The following JAKMIP2 variants were observed in gnomAD, a reference collection of about 807,000 sequenced individuals.
JAKMIP2 encodes the protein janus kinase and microtubule-interacting protein 2.
In JAKMIP2, 25 loss-of-function variants were observed where a neutral mutation model predicts 115.0. The ratio of observed to expected loss-of-function variants is 0.22; its 90% confidence interval spans 0.16 to 0.30. JAKMIP2 has a LOEUF of 0.30. Among genes scored for constraint, JAKMIP2 ranks in the 10% least tolerant of loss-of-function variants. JAKMIP2 has a pLI of 1.00. For missense variants in JAKMIP2, 642 were observed against 957.6 expected (o/e 0.67, Z 4.35); for synonymous variants, 334 against 343.6 (o/e 0.97, Z 0.31).
chr5:147,586,049 C>T lies in JAKMIP2; in HGVS notation c.*5658G>A, dbSNP rs557822141. 7.3e-5 allele frequency: 11 copies of T among 151,316 alleles called. No homozygotes were observed. The highest frequency in any genetic ancestry group is 1.3e-4 in the Admixed American group (2 of 15,180). The allele number at this position is 151,316 out of a possible 1,614,324, so 9.4% of individuals were successfully genotyped here. A position where few individuals can be genotyped will look rare whatever the true frequency, so the allele number is the denominator to read the frequency against. On this transcript the variant is annotated 3_prime_UTR_variant, in exon 22 of 22. Transcript: ENST00000616793. ...TTATGGGCCTGGATAATTGAAAAAC[C>T]GAGTGGTCTCTGCCTCAGTCAACAA...
intron 1 of JAKMIP2, among the ~76,000 whole-genome samples, chr5:147,697,483 T>A (rs1305664601): frequency 1.3e-5 from 2 of 152,138 alleles, no homozygotes; most frequent in Non-Finnish European, 2.9e-5. Context: ...GGAGAATATG[T>A]CTCCAGGGCA....
At chr5:147,639,791 A>T in intron 9 of JAKMIP2, 31 bp from the exon 10 acceptor site, 1 of 1,608,448 alleles carries the variant, frequency 6.2e-7, no homozygotes, top group Non-Finnish European at 8.5e-7. Flanking sequence ...CCCCAAAACA[A>T]TTGTGTTATG....
chr5:147,738,027 A>C (rs1753990090), intron 1 of JAKMIP2, among the ~76,000 whole-genome samples: 1 of 152,176 alleles, frequency 6.6e-6, no homozygotes, highest in Non-Finnish European at 1.5e-5. Context: ...TTTATTTAGA[A>C]TAAAACAAAA....
intron 3 of JAKMIP2, among the ~76,000 whole-genome samples, chr5:147,658,171 G>A (rs1166985990): frequency 6.6e-6 from 1 of 152,132 alleles, no homozygotes; most frequent in Non-Finnish European, 1.5e-5. Flanking sequence ...ACCTTTGGAT[G>A]GGGTTTTTGT....
At chr5:147,707,755 G>A (rs573889963) in intron 1 of JAKMIP2, among the ~76,000 whole-genome samples, 8 of 152,188 alleles carry the variant, frequency 5.3e-5, no homozygotes, top group South Asian at 2.1e-4. Context: ...CTAAATTTAC[G>A]GTGAGTCAAT....
chr5:147,723,749 G>T (rs986808317), intron 1 of JAKMIP2, among the ~76,000 whole-genome samples: 12 of 152,242 alleles, frequency 7.9e-5, no homozygotes, highest in African/African-American at 2.9e-4. Context: ...AGGAAAGAAA[G>T]CCACATGGCT....
At chr5:147,636,330 G>C (rs370585379) in intron 11 of JAKMIP2, 46 bp from the exon 12 acceptor site, 1 of 1,505,304 alleles carries the variant, frequency 6.6e-7, no homozygotes, top group African/African-American at 1.4e-5. Context: ...AGAGTGGCAC[G>C]AAAGAGCCTG....
chr5:147,738,386 G>A (rs1025583527), intron 1 of JAKMIP2, among the ~76,000 whole-genome samples: 1 of 152,122 alleles, frequency 6.6e-6, no homozygotes, highest in Non-Finnish European at 1.5e-5. Flanking sequence ...GCGTGGGGGA[G>A]AGAAAGGTTA....
At chr5:147,685,761 T>C (rs1425474606) in intron 1 of JAKMIP2, among the ~76,000 whole-genome samples, 1 of 152,232 alleles carries the variant, frequency 6.6e-6, no homozygotes, top group Non-Finnish European at 1.5e-5. Context: ...AGATAGCATA[T>C]ATGTTTATAT....
chr5:147,765,372 T>C (rs1755119228), intron 1 of JAKMIP2, among the ~76,000 whole-genome samples: 1 of 152,120 alleles, frequency 6.6e-6, no homozygotes, highest in African/African-American at 2.4e-5. Flanking sequence ...TTGGTCCACT[T>C]GACGTGACAC....
At chr5:147,605,544 T>C (rs6580487) in intron 20 of JAKMIP2, among the ~76,000 whole-genome samples, 144,829 of 152,262 alleles carry the variant, frequency 0.95, 69,285 homozygotes, top group East Asian at 1. Context: ...CTAACAATCA[T>C]GGGCATTTGG....
chr5:147,740,039 A>G (rs1244413626), intron 1 of JAKMIP2, among the ~76,000 whole-genome samples: 1 of 152,236 alleles, frequency 6.6e-6, no homozygotes, highest in Non-Finnish European at 1.5e-5. Context: ...ATTGGTATAA[A>G]CAGCTCTTTC....
At chr5:147,695,974 A>C (rs1752090549) in intron 1 of JAKMIP2, among the ~76,000 whole-genome samples, 1 of 152,158 alleles carries the variant, frequency 6.6e-6, no homozygotes, top group African/African-American at 2.4e-5. Context: ...CTTTCACTTT[A>C]AAGGAGAGAC....
At chr5:147,743,161 T>C (rs536786681) in intron 1 of JAKMIP2, among the ~76,000 whole-genome samples, 2 of 152,368 alleles carry the variant, frequency 1.3e-5, no homozygotes, top group East Asian at 3.9e-4. Flanking sequence ...GAAGTACTCA[T>C]GTGGATCCTT....
chr5:147,671,761 T>C lies in JAKMIP2; in HGVS notation c.46A>G (p.Ile16Val), dbSNP rs765674126. The C allele has an allele frequency of 1.3e-5, 20 of 1,592,624 alleles. No individual in the cohort carries two copies. Among genetic ancestry groups the C allele is most frequent in the Middle Eastern group, 3.3e-4 (2 of 6,042 alleles). ...RNKGEKPEAL[I>V]VALQAANEDL... ...TCATTGGCAGCTTGAAGGGCAACAA[T>C]GAGTGCCTCGGGCTTCTCGCCCTTA... The change falls in exon 2 of 22, where the codon ATT becomes GTT. Residue 16 changes from isoleucine to valine, a missense_variant. Physicochemically the swap from Ile to Val is conservative, Grantham distance 29 (BLOSUM62 3). This residue lies in a region of JAKMIP2 where 439 missense variants were observed against 570.9 expected (regional missense o/e 0.77). Transcript: ENST00000616793.
rs1755068699 is a variant in JAKMIP2, at chr5:147,590,848, CA to C, written c.*858del. On this transcript the variant is annotated 3_prime_UTR_variant, in exon 22 of 22. Coordinates refer to ENST00000616793, the MANE Select transcript of JAKMIP2 (RefSeq NM_001270941.2). ...TCTTAGTTTTCAATATGAATGAGATCAGTCCATTGTTGATAGAGGAATGCAG... is the reference window on the plus strand; with the variant it reads ...TCTTAGTTTTCAATATGAATGAGATCGTCCATTGTTGATAGAGGAATGCAG... 1 of 152,148 alleles carries C rather than the reference CA, an allele frequency of 6.6e-6. No homozygotes were observed. Among genetic ancestry groups the C allele is most frequent in the Non-Finnish European group, 1.5e-5 (1 of 68,042 alleles). The allele number at this position is 152,148 out of a possible 1,614,324, so 9.4% of individuals were successfully genotyped here.
chr5:147,721,740 C>T (rs1033705830), intron 1 of JAKMIP2, among the ~76,000 whole-genome samples: 2 of 152,104 alleles, frequency 1.3e-5, no homozygotes, highest in Non-Finnish European at 2.9e-5. Context: ...CTGACCTGCG[C>T]CTGCTGTCTG....
At chr5:147,761,996 T>C (rs1754944780) in intron 1 of JAKMIP2, among the ~76,000 whole-genome samples, 1 of 151,970 alleles carries the variant, frequency 6.6e-6, no homozygotes, top group African/African-American at 2.4e-5. Context: ...TATGAATATT[T>C]CCAAAAATAA....
chr5:147,781,844 CAT>C (rs1453158516), intron 1 of JAKMIP2, among the ~76,000 whole-genome samples: 1 of 152,124 alleles, frequency 6.6e-6, no homozygotes, highest in Non-Finnish European at 1.5e-5. Flanking sequence ...TGCTAAGTGA[CAT>C]GTGTATATAT....
Sources: allele counts gnomAD v4.1 joint callset (sites outside exome capture counted in the v4.1 genomes callset), GRCh38; gene constraint gnomAD v4.1.1; regional missense constraint gnomAD v4.1.1; transcripts MANE v1.5; gene names NCBI Gene and HGNC (gene_info 2026-07-23, HGNC 2026-07-21).